Variants in ROBO2 observed in about 807,000 individuals in gnomAD.
The protein encoded by ROBO2 is roundabout homolog 2.
In ROBO2, 53 loss-of-function variants were observed where a neutral mutation model predicts 160.8. That is an observed-to-expected ratio of 0.33 (90% CI 0.26 to 0.41). The LOEUF (loss-of-function observed/expected upper bound fraction) is 0.41. ROBO2 is among the 10% of genes least tolerant of loss of function. The pLI is 1.00. For missense variants in ROBO2, 1,577 were observed against 1,722.4 expected (o/e 0.92, Z 1.49); for synonymous variants, 664 against 611.7 (o/e 1.09, Z -1.26).
chr3:77,443,642 T>C (rs1247662110), intron 2 of ROBO2, among the ~76,000 whole-genome samples: 1 of 152,184 alleles, frequency 6.6e-6, no homozygotes, highest in African/African-American at 2.4e-5. Context: ...TAATTTTTTT[T>C]CCCTTTAACA....
intron 2 of ROBO2, among the ~76,000 whole-genome samples, chr3:76,438,819 A>C (rs1156687655): frequency 2.0e-5 from 3 of 152,020 alleles, no homozygotes; most frequent in African/African-American, 7.2e-5. Context: ...ACATTCAATG[A>C]ATAAAGAAAA....
intron 2 of ROBO2, among the ~76,000 whole-genome samples, chr3:76,257,035 AGCCCCTCG>A (rs1706439055): frequency 6.6e-6 from 1 of 151,994 alleles, no homozygotes; most frequent in Admixed American, 6.6e-5. Flanking sequence ...CCACGACCCA[AGCCCCTCG>A]GCCCAGCCCC....
intron 2 of ROBO2, among the ~76,000 whole-genome samples, chr3:76,209,733 C>T (rs1703026411): frequency 6.6e-6 from 1 of 152,014 alleles, no homozygotes; most frequent in Admixed American, 6.6e-5. Context: ...GTGTCGTGCT[C>T]ATGGAATTAT....
chr3:77,381,314 AAAAC>A (rs375342557), intron 2 of ROBO2, among the ~76,000 whole-genome samples: 11 of 152,118 alleles, frequency 7.2e-5, no homozygotes, highest in East Asian at 1.9e-4. Flanking sequence ...GACTCCATCT[AAAAC>A]AAACAAACAA....
At chr3:76,600,722 T>C (rs904471928) in intron 2 of ROBO2, among the ~76,000 whole-genome samples, 7 of 152,038 alleles carry the variant, frequency 4.6e-5, no homozygotes, top group Non-Finnish European at 8.8e-5. Flanking sequence ...AAGATGAAAT[T>C]TGGGTGGGGA....
chr3:77,557,838 GT>G lies in ROBO2; in HGVS notation c.1232-105del, dbSNP rs1158206860. On this transcript the variant is annotated intron_variant, in intron 8 of 25. Transcript: ENST00000461745. ...ACATATTGCTTAGAATAAGTTATAA[GT>G]AATATATATTGTGTTGGGGCTTTAA... 8.2e-6 allele frequency: 7 copies of G among 849,620 alleles called. No homozygotes were observed. In the African/African-American group the frequency reaches 1.2e-4, roughly 14 times the overall value. The allele number at this position is 849,620 out of a possible 1,614,324, so 52.6% of individuals were successfully genotyped here.
intron 2 of ROBO2, among the ~76,000 whole-genome samples, chr3:76,745,631 G>A (rs1452978769): frequency 1.3e-5 from 2 of 151,832 alleles, no homozygotes; most frequent in Non-Finnish European, 2.9e-5. Context: ...GTGTGCTTGA[G>A]CATCTTGATA....
intron 2 of ROBO2, among the ~76,000 whole-genome samples, chr3:76,840,898 T>C (rs2324693): frequency 0.16 from 23,813 of 151,692 alleles, 2,154 homozygotes; most frequent in East Asian, 0.36. Flanking sequence ...CCAACTATTT[T>C]CTTCTGTTTT....
intron 2 of ROBO2, among the ~76,000 whole-genome samples, chr3:77,459,458 C>G (rs2082012476): frequency 6.6e-6 from 1 of 152,140 alleles, no homozygotes; most frequent in African/African-American, 2.4e-5. Flanking sequence ...CTAAGGATAC[C>G]ATTCTAGACT....
intron 2 of ROBO2, among the ~76,000 whole-genome samples, chr3:76,274,713 C>G (rs1043949120): frequency 1.3e-5 from 2 of 151,762 alleles, no homozygotes; most frequent in African/African-American, 2.4e-5. Context: ...TGGCACGCAC[C>G]TGTAGTCCCA....
intron 1 of ROBO2, among the ~76,000 whole-genome samples, chr3:77,041,442 AGGAGT>A (rs1199404270): frequency 1.3e-5 from 2 of 152,238 alleles, no homozygotes; most frequent in African/African-American, 4.8e-5. Context: ...GGCTGGCCAC[AGGAGT>A]AGAACACTTA....
At chr3:77,028,612 C>T (rs771304132) in intron 2 of ROBO2, among the ~76,000 whole-genome samples, 7 of 151,972 alleles carry the variant, frequency 4.6e-5, no homozygotes, top group Non-Finnish European at 7.4e-5. Flanking sequence ...CCCAGCTTCT[C>T]GGGAGGCTGG....
intron 2 of ROBO2, among the ~76,000 whole-genome samples, chr3:76,982,779 A>G (rs1224177096): frequency 6.6e-6 from 1 of 152,178 alleles, no homozygotes; most frequent in Non-Finnish European, 1.5e-5. Context: ...TAGAAATTGT[A>G]TTGAAAATGA....
chr3:77,633,201 C>T (rs898157534), intron 23 of ROBO2: 4 of 152,026 alleles, frequency 2.6e-5, no homozygotes, highest in African/African-American at 4.8e-5. Flanking sequence ...TATTATTTGT[C>T]TTAAAGGATG....
chr3:76,535,821 G>A (rs1386912932), intron 2 of ROBO2, among the ~76,000 whole-genome samples: 1 of 152,072 alleles, frequency 6.6e-6, no homozygotes, highest in African/African-American at 2.4e-5. Flanking sequence ...CAATTGAAAA[G>A]GAGAAGGACT....
At position 76,825,895 on chromosome 3, in the gene ROBO2, C is replaced by T. The variant is rs1290074510; in HGVS notation, c.110-272119C>T. On this transcript the variant is annotated intron_variant, in intron 2 of 26. Coordinates refer to the ROBO2 transcript ENST00000487694. ...TTGAGTTTACAAAAAAAGCATTTCT[C>T]TTGTGCATACTGTTCTTTTGTTAAT... Among the ~76,000 whole-genome samples the T allele has an allele frequency of 2.0e-5, 3 of 151,970 alleles. No individual in the cohort carries two copies. In the East Asian group the frequency reaches 5.8e-4, roughly 29 times the overall value.
At chr3:76,107,440 A>G (rs1391253563) in intron 2 of ROBO2, among the ~76,000 whole-genome samples, 1 of 152,102 alleles carries the variant, frequency 6.6e-6, no homozygotes, top group Non-Finnish European at 1.5e-5. Flanking sequence ...AACCAAATCC[A>G]TTGACTTGTC....
At chr3:76,049,078 T>G (rs1229698783) in intron 2 of ROBO2, among the ~76,000 whole-genome samples, 1 of 152,124 alleles carries the variant, frequency 6.6e-6, no homozygotes, top group Non-Finnish European at 1.5e-5. Flanking sequence ...GTCATCTCTT[T>G]GGGGGAGAGA....
At chr3:76,088,484 A>G (rs190228767) in intron 2 of ROBO2, among the ~76,000 whole-genome samples, 4 of 152,160 alleles carry the variant, frequency 2.6e-5, no homozygotes, top group Middle Eastern at 3.4e-3. Context: ...ACACACCTTA[A>G]CAAATTAAAA....
Sources: allele counts gnomAD v4.1 joint callset (sites outside exome capture counted in the v4.1 genomes callset), GRCh38; gene constraint gnomAD v4.1.1; transcripts MANE v1.5; gene names NCBI Gene and HGNC (gene_info 2026-07-23, HGNC 2026-07-21).